STXBP5: variants seen among roughly 807,000 people sequenced by gnomAD.
The protein encoded by STXBP5 is syntaxin-binding protein 5.
STXBP5 carries 50 observed loss-of-function variants against 152.4 expected under a neutral mutation model. The observed-to-expected ratio is 0.33, with a 90% CI of 0.26 to 0.42. The LOEUF (loss-of-function observed/expected upper bound fraction) is 0.42, where lower values mean the gene tolerates loss of function less well. Among genes scored for constraint, STXBP5 ranks in the 10% least tolerant of loss-of-function variants. The probability of loss-of-function intolerance (pLI) is 1.00; values close to 1 mark genes in which losing one functional copy is unlikely to be tolerated. For synonymous variants in STXBP5, 492 were observed against 494.7 expected (o/e 0.99, Z 0.07); for missense variants, 1,167 against 1,388.6 (o/e 0.84, Z 2.54).
chr6:147,374,922 A>G (rs1785737577), intron 26 of STXBP5, among the ~76,000 whole-genome samples: 1 of 152,152 alleles, frequency 6.6e-6, no homozygotes, highest in Non-Finnish European at 1.5e-5. Flanking sequence ...CACACTCACA[A>G]CTTTCAGCTC....
At chr6:147,216,766 C>A (rs565333111) in intron 2 of STXBP5, among the ~76,000 whole-genome samples, 2 of 152,088 alleles carry the variant, frequency 1.3e-5, no homozygotes, top group African/African-American at 4.8e-5. Flanking sequence ...ATGATTTTAA[C>A]GTGAGCATTC....
chr6:147,338,168 A>C (rs530714769), intron 19 of STXBP5, among the ~76,000 whole-genome samples: 1 of 152,242 alleles, frequency 6.6e-6, no homozygotes, highest in South Asian at 2.1e-4. Context: ...AGAGAATTCT[A>C]CATGTAACGC....
intron 16 of STXBP5, among the ~76,000 whole-genome samples, chr6:147,320,435 A>G (rs1003766513): frequency 1.3e-5 from 2 of 152,166 alleles, no homozygotes; most frequent in African/African-American, 4.8e-5. Flanking sequence ...TTTACCGGCT[A>G]CATAGGGACT....
intron 21 of STXBP5, among the ~76,000 whole-genome samples, chr6:147,347,959 G>A (rs554019388): frequency 1.6e-4 from 25 of 152,266 alleles, no homozygotes; most frequent in Non-Finnish European, 2.2e-4. Context: ...GATGTTGGGT[G>A]ATTGTTTTTA....
intron 17 of STXBP5, among the ~76,000 whole-genome samples, chr6:147,326,114 G>T (rs1213377323): frequency 1.3e-5 from 2 of 151,980 alleles, no homozygotes; most frequent in Admixed American, 1.3e-4. Context: ...AGAAACCAAG[G>T]GACAACTGTA....
At position 147,204,728 on chromosome 6, in the gene STXBP5, G is replaced by A. The variant is rs1050249719; in HGVS notation, c.150+46G>A. ...CGCGACACCGTCATTGAAAAATTGG[G>A]GTTGTTTTAAGGGGGCTACTCGGGC... is the stretch of plus-strand genomic sequence containing the variant. On this transcript the variant is annotated intron_variant, in intron 1 of 27. Transcript: ENST00000321680. The surrounding 1 kb of genome is among the most constrained non-coding windows in gnomAD (Gnocchi z 4.3). 6 of 1,520,086 alleles carry A rather than the reference G, an allele frequency of 3.9e-6. No homozygotes were observed. Among genetic ancestry groups the A allele is most frequent in the Non-Finnish European group, 5.3e-6 (6 of 1,131,556 alleles). The allele number at this position is 1,520,086 out of a possible 1,614,324, so 94.2% of individuals were successfully genotyped here.
intron 9 of STXBP5, chr6:147,293,272 T>G (rs978322211): frequency 2.0e-5 from 3 of 152,240 alleles, no homozygotes; most frequent in Non-Finnish European, 2.9e-5. Flanking sequence ...GTAGTTATAC[T>G]GTTAACTGGA....
rs537023532 is a variant in STXBP5 at position 147,204,621 on chromosome 6, C to G, written c.89C>G (p.Pro30Arg). The change falls in exon 1 of 28, where the codon CCT becomes CGT. Residue 30 changes from proline (P) to arginine (R), a missense_variant. This residue lies in a region of STXBP5 where 310 missense variants were observed against 346.1 expected (regional missense o/e 0.90). Transcript: ENST00000321680. The surrounding 1 kb of genome is among the most constrained non-coding windows in gnomAD (Gnocchi z 4.3). ...ASQQQQQQHP[P>R]GNREPEIQET... ...CAGCAGCAACAGCAGCAGCATCCGC[C>G]TGGGAACCGGGAGCCGGAGATCCAG... The G allele has an allele frequency of 6.2e-7, 1 of 1,610,992 alleles. No individual in the cohort carries two copies. The highest frequency in any genetic ancestry group is 1.1e-5 in the South Asian group (1 of 90,960).
chr6:147,241,381 A>C (rs978746133), intron 4 of STXBP5, among the ~76,000 whole-genome samples: 5 of 152,218 alleles, frequency 3.3e-5, no homozygotes, highest in Non-Finnish European at 5.9e-5. Context: ...TCATGTATCT[A>C]CCATTACAGT....
intron 16 of STXBP5, among the ~76,000 whole-genome samples, chr6:147,320,552 A>AGTGTGTGTGTGTGT (rs71552971): frequency 8.2e-5 from 7 of 84,990 alleles, no homozygotes; most frequent in African/African-American, 2.9e-4. Flanking sequence ...TGCTAATTTG[A>AGTGTGTGTGTGTGT]GTGTGTGTGT....
chr6:147,265,995 GA>G (rs1316732680), intron 6 of STXBP5, among the ~76,000 whole-genome samples: 1 of 152,082 alleles, frequency 6.6e-6, no homozygotes, highest in East Asian at 1.9e-4. Context: ...CTTCCCAGAG[GA>G]AACGATCACT....
chr6:147,216,127 C>T (rs1252753497), intron 2 of STXBP5, among the ~76,000 whole-genome samples: 1 of 152,164 alleles, frequency 6.6e-6, no homozygotes, highest in Non-Finnish European at 1.5e-5. Flanking sequence ...CACGGTTGCT[C>T]ACGCCTGTAA....
intron 8 of STXBP5, among the ~76,000 whole-genome samples, chr6:147,281,179 C>A (rs916590512): frequency 6.6e-6 from 1 of 152,148 alleles, no homozygotes; most frequent in African/African-American, 2.4e-5. Context: ...GCACTAGCCT[C>A]CTGAGTAGCT....
At chr6:147,349,471 G>T (rs1001395424) in intron 21 of STXBP5, among the ~76,000 whole-genome samples, 7 of 152,228 alleles carry the variant, frequency 4.6e-5, no homozygotes, top group African/African-American at 1.7e-4. Context: ...TAAAATTTCT[G>T]CATGTGTATG....
At chr6:147,215,596 G>C (rs1168689079) in intron 2 of STXBP5, among the ~76,000 whole-genome samples, 1 of 151,990 alleles carries the variant, frequency 6.6e-6, no homozygotes, top group Non-Finnish European at 1.5e-5. Context: ...TGCTTAGGTT[G>C]GTCTCGAACT....
chr6:147,320,409 A>T (rs2128379940), intron 16 of STXBP5, among the ~76,000 whole-genome samples: 1 of 152,256 alleles, frequency 6.6e-6, no homozygotes, highest in African/African-American at 2.4e-5. Context: ...AGAGGGCTAC[A>T]TTAATTATTT....
intron 18 of STXBP5, among the ~76,000 whole-genome samples, chr6:147,331,857 T>C (rs1490721604): frequency 6.7e-6 from 1 of 148,932 alleles, no homozygotes; most frequent in Admixed American, 6.7e-5. Flanking sequence ...GGCAATTAAG[T>C]GGACCATTTC....
intron 2 of STXBP5, 86 bp from the exon 3 acceptor site, chr6:147,235,164 T>C: frequency 8.7e-7 from 1 of 1,150,952 alleles, no homozygotes; most frequent in Non-Finnish European, 1.3e-6. Flanking sequence ...ATGAGGTCAT[T>C]GGAATATTTA....
At chr6:147,371,408 A>C (rs1251022170) in intron 25 of STXBP5, among the ~76,000 whole-genome samples, 1 of 152,006 alleles carries the variant, frequency 6.6e-6, no homozygotes, top group African/African-American at 2.4e-5. Flanking sequence ...TGACTTGTGT[A>C]TTTTCTAATT....
Sources: gnomAD v4.1 joint callset for allele counts (sites outside exome capture counted in the v4.1 genomes callset) on GRCh38, gnomAD v4.1.1 for gene constraint, gnomAD v4.1.1 regional missense constraint, Gnocchi (gnomAD v3.1) non-coding constraint, MANE v1.5 for transcripts, NCBI Gene and HGNC (gene_info 2026-07-23, HGNC 2026-07-21) for gene names.